LINGO1: variants seen among roughly 807,000 people sequenced by gnomAD.
LINGO1 encodes the protein leucine-rich repeat and immunoglobulin-like domain-containing nogo receptor-interacting protein 1.
LINGO1 carries 11 observed loss-of-function variants against 37.3 expected under a neutral mutation model. The observed-to-expected ratio is 0.29, with a 90% CI of 0.19 to 0.49. The LOEUF is 0.49. Ranked by LOEUF, LINGO1 falls within the 20% of genes least tolerant of loss-of-function variation. LINGO1 has a pLI of 0.99. For missense variants in LINGO1, 585 were observed against 878.2 expected, an observed-to-expected ratio of 0.67 and a Z score of 4.22; for synonymous variants, 387 against 403.0, an observed-to-expected ratio of 0.96 and a Z score of 0.48.
At chr15:77,617,737 T>C (rs2073777955) in intron 1 of LINGO1, among the ~76,000 whole-genome samples, 1 of 152,220 alleles carries the variant, frequency 6.6e-6, no homozygotes, top group African/African-American at 2.4e-5. Context: ...AATTCTGGGA[T>C]AGGAGCTCTG....
intron 3 of LINGO1, among the ~76,000 whole-genome samples, chr15:77,658,445 C>A (rs1228275346): frequency 2.0e-5 from 3 of 152,262 alleles, no homozygotes; most frequent in Admixed American, 2.0e-4. Flanking sequence ...ACCGTTCTCA[C>A]CGCACGTGGT....
chr15:77,695,579 C>T (rs2075678004), intron 1 of LINGO1, among the ~76,000 whole-genome samples: 1 of 152,240 alleles, frequency 6.6e-6, no homozygotes, highest in Admixed American at 6.5e-5. Flanking sequence ...AAGGCATCCC[C>T]CACTCGTTGA....
intron 3 of LINGO1, among the ~76,000 whole-genome samples, chr15:77,639,844 C>T (rs1168880200): frequency 6.6e-6 from 1 of 152,210 alleles, no homozygotes; most frequent in East Asian, 1.9e-4. Flanking sequence ...TTCCAGAGGA[C>T]TGTCACCTCT....
rs538038242 is a variant in LINGO1, at chr15:77,736,718, G to A, written c.-256-1665C>T. Among the ~76,000 whole-genome samples the A allele has an allele frequency of 6.7e-4, 102 of 152,288 alleles. 3 individuals are homozygous for A. In the South Asian group the frequency reaches 0.015, roughly 22 times the overall value. On this transcript the variant is annotated intron_variant, in intron 1 of 3. Coordinates refer to the LINGO1 transcript ENST00000561686. ...GAGCCCAGGAGGTGGAGGCTACAGC[G>A]AGCTATGATCGTGCCACTGCACTCC...
At chr15:77,681,869 G>A (rs573297680) in intron 2 of LINGO1, among the ~76,000 whole-genome samples, 4 of 152,106 alleles carry the variant, frequency 2.6e-5, no homozygotes, top group East Asian at 1.9e-4. Flanking sequence ...CCCATAAATC[G>A]CACCCAATGA....
At chr15:77,717,076 G>A (rs4075567) in intron 2 of LINGO1, among the ~76,000 whole-genome samples, 74,149 of 149,606 alleles carry the variant, frequency 0.5, 20,747 homozygotes, top group Admixed American at 0.63. Flanking sequence ...GAGCCGCGGG[G>A]TGCTCAAGCT....
chr15:77,718,473 G>A (rs2141306485), intron 2 of LINGO1, among the ~76,000 whole-genome samples: 1 of 151,026 alleles, frequency 6.6e-6, no homozygotes, highest in Admixed American at 6.6e-5. Context: ...TGTGTATACA[G>A]GACCACACAC....
chr15:77,666,131 A>C (rs1241266547), intron 3 of LINGO1, among the ~76,000 whole-genome samples: 2 of 152,014 alleles, frequency 1.3e-5, no homozygotes, highest in African/African-American at 4.8e-5. Context: ...TGAATGAATG[A>C]GTGAATGAAT....
At chr15:77,759,747 A>G (rs1049224432) in intron 1 of LINGO1, among the ~76,000 whole-genome samples, 9 of 152,208 alleles carry the variant, frequency 5.9e-5, no homozygotes, top group African/African-American at 2.2e-4. Flanking sequence ...GGGGGCGTCT[A>G]CCTCTCTGTA....
At chr15:77,624,528 TG>T (rs2074033241) in intron 1 of LINGO1, among the ~76,000 whole-genome samples, 1 of 152,212 alleles carries the variant, frequency 6.6e-6, no homozygotes, top group Non-Finnish European at 1.5e-5. Flanking sequence ...TCGCAGCCCC[TG>T]GCCATTTGCA....
At chr15:77,716,280 C>CTT (rs5813879) in intron 2 of LINGO1, among the ~76,000 whole-genome samples, 24,118 of 119,154 alleles carry the variant, frequency 0.2, 3,538 homozygotes, top group Non-Finnish European at 0.26. Flanking sequence ...TCTTCTTCTT[C>CTT]TTTTTTTTTT....
At chr15:77,732,850 G>A (rs910140597) in intron 2 of LINGO1, among the ~76,000 whole-genome samples, 1 of 152,222 alleles carries the variant, frequency 6.6e-6, no homozygotes, top group African/African-American at 2.4e-5. Context: ...CACACAGGCT[G>A]CTTTTATTTC....
At chr15:77,781,649 A>T (rs1567581221) in intron 1 of LINGO1, among the ~76,000 whole-genome samples, 1 of 152,170 alleles carries the variant, frequency 6.6e-6, no homozygotes, top group African/African-American at 2.4e-5. Flanking sequence ...CACTCCGTAC[A>T]CCACCAGGCG....
chr15:77,667,735 G>A (rs939218255), intron 3 of LINGO1: 12 of 152,214 alleles, frequency 7.9e-5, no homozygotes, highest in African/African-American at 9.7e-5. Context: ...AATGATGGAC[G>A]TCAATATTAT....
At position 77,760,933 on chromosome 15, in the gene LINGO1, TTTTTTTTTTTG is replaced by T. The variant is rs1442884415; in HGVS notation, c.-256-25891_-256-25881del. ...ATAAGTATCTTTTTTTTTTTTTTTTTTTTTTTTTTTGGAGACAAGGTCTCACTCTGTCACCC... is the reference window on the plus strand; with the variant it reads ...ATAAGTATCTTTTTTTTTTTTTTTTTGAGACAAGGTCTCACTCTGTCACCC... On this transcript the variant is annotated intron_variant, in intron 1 of 3. Transcript: ENST00000561686. 2.8e-3 allele frequency among the ~76,000 whole-genome samples: 234 copies of T among 82,422 alleles called. 5 individuals are homozygous for T. The highest frequency in any genetic ancestry group is 7.5e-3 in the African/African-American group (172 of 22,814). The allele number at this position is 82,422 out of a possible 152,430, so 54.1% of individuals were successfully genotyped here.
intron 1 of LINGO1, among the ~76,000 whole-genome samples, chr15:77,746,122 C>G (rs1310293517): frequency 6.7e-6 from 1 of 149,814 alleles, no homozygotes; most frequent in African/African-American, 2.5e-5. Flanking sequence ...GCAGGAGGAT[C>G]ACTTGAGCCT....
At position 77,643,714 on chromosome 15, in the gene LINGO1, G is replaced by A. The variant is rs563454963; in HGVS notation, c.-12-27814C>T. On this transcript the variant is annotated intron_variant, in intron 3 of 3. Transcript: ENST00000559893. ...CATGGTTCAGGGCTTAACCCCCAGA[G>A]GGCAGCACCCACAGCCCTGGCCCAG... is the stretch of plus-strand genomic sequence containing the variant. 2.0e-5 allele frequency among the ~76,000 whole-genome samples: 3 copies of A among 152,306 alleles called. No homozygotes were observed. In the East Asian group the frequency reaches 5.8e-4, roughly 29 times the overall value.
chr15:77,626,556 G>C (rs2074095745), intron 1 of LINGO1, among the ~76,000 whole-genome samples: 1 of 152,164 alleles, frequency 6.6e-6, no homozygotes, highest in African/African-American at 2.4e-5. Flanking sequence ...TCCTGTTCAG[G>C]CACAATGGAT....
chr15:77,660,139 T>C (rs553442063), intron 3 of LINGO1: 1 of 152,344 alleles, frequency 6.6e-6, no homozygotes, highest in African/African-American at 2.4e-5. Flanking sequence ...ATGGGGATCC[T>C]TGTCCCAGCT....
Sources: gnomAD v4.1 joint callset for allele counts (sites outside exome capture counted in the v4.1 genomes callset) on GRCh38, gnomAD v4.1.1 for gene constraint, MANE v1.5 for transcripts, NCBI Gene and HGNC (gene_info 2026-07-23, HGNC 2026-07-21) for gene names.